The following ITGA8 variants were observed in gnomAD, a reference collection of about 807,000 sequenced individuals.
ITGA8 encodes integrin subunit alpha 8.
In ITGA8, 91 loss-of-function variants were observed where a neutral mutation model predicts 142.3. The ratio of observed to expected loss-of-function variants is 0.64; its 90% confidence interval spans 0.54 to 0.76. The LOEUF (loss-of-function observed/expected upper bound fraction) is 0.76, where lower values mean the gene tolerates loss of function less well. Ranked by LOEUF, ITGA8 falls within the 30% of genes least tolerant of loss-of-function variation. The probability of loss-of-function intolerance (pLI) is 0.00; values close to 1 mark genes in which losing one functional copy is unlikely to be tolerated. For synonymous variants in ITGA8, 505 were observed against 485.2 expected (o/e 1.04, Z -0.54); for missense variants, 1,406 against 1,327.7 (o/e 1.06, Z -0.92).
chr10:15,658,047 G>A (rs971954227), intron 10 of ITGA8, among the ~76,000 whole-genome samples: 1 of 152,200 alleles, frequency 6.6e-6, no homozygotes, highest in South Asian at 2.1e-4. Context: ...GACAGGAAAT[G>A]GGATGGAAAG....
chr10:15,705,916 A>G (rs1835249928), intron 2 of ITGA8, among the ~76,000 whole-genome samples: 1 of 152,086 alleles, frequency 6.6e-6, no homozygotes, highest in Non-Finnish European at 1.5e-5. Flanking sequence ...ATGGTGCCCC[A>G]GGAGTCAATC....
At chr10:15,524,731 C>T (rs1056875652) in intron 28 of ITGA8, among the ~76,000 whole-genome samples, 1 of 152,152 alleles carries the variant, frequency 6.6e-6, no homozygotes, top group Admixed American at 6.5e-5. Flanking sequence ...TTTTACAGGA[C>T]CAAAGTTTCT....
At chr10:15,648,807 T>C (rs4748193) in intron 11 of ITGA8, among the ~76,000 whole-genome samples, 142,078 of 152,276 alleles carry the variant, frequency 0.93, 66,928 homozygotes, top group Non-Finnish European at 1. Flanking sequence ...AAAGATATCC[T>C]GTGTACTTCC....
intron 2 of ITGA8, among the ~76,000 whole-genome samples, chr10:15,705,707 A>T (rs1835245307): frequency 6.6e-6 from 1 of 152,216 alleles, no homozygotes; most frequent in South Asian, 2.1e-4. Context: ...CTCTCTTGAC[A>T]CACTCCACTG....
chr10:15,695,210 A>G (rs1233395536), intron 2 of ITGA8, among the ~76,000 whole-genome samples: 1 of 152,160 alleles, frequency 6.6e-6, no homozygotes, highest in Admixed American at 6.6e-5. Flanking sequence ...GGGCTTCATT[A>G]ATTTCATATC....
chr10:15,711,614 C>T (rs539783263), intron 2 of ITGA8, among the ~76,000 whole-genome samples: 1 of 150,762 alleles, frequency 6.6e-6, no homozygotes, highest in South Asian at 2.1e-4. Context: ...GTCATGTATC[C>T]CCCACCACAA....
chr10:15,635,011 T>C (rs1588688747), intron 13 of ITGA8, among the ~76,000 whole-genome samples: 1 of 146,342 alleles, frequency 6.8e-6, no homozygotes, highest in South Asian at 2.2e-4. Flanking sequence ...TTCTTTTTTT[T>C]TTTTTTTTTT....
intron 6 of ITGA8, among the ~76,000 whole-genome samples, chr10:15,676,347 C>CCA (rs1188732843): frequency 6.6e-6 from 1 of 152,172 alleles, no homozygotes; most frequent in Admixed American, 6.5e-5. Flanking sequence ...CTGTCTGTAC[C>CCA]TGGGTTCATG....
intron 26 of ITGA8, 58 bp from the exon 27 acceptor site, chr10:15,548,626 T>G (rs1564346155): frequency 2.0e-6 from 2 of 1,016,376 alleles, no homozygotes; most frequent in East Asian, 2.6e-5. Flanking sequence ...GACTGAACAC[T>G]GAAGTTAGCT....
At chr10:15,585,205 A>AT (rs1832801779) in intron 23 of ITGA8, among the ~76,000 whole-genome samples, 1 of 152,246 alleles carries the variant, frequency 6.6e-6, no homozygotes, top group Non-Finnish European at 1.5e-5. Flanking sequence ...ATAAGTTTCA[A>AT]AAAACTATAT....
At chr10:15,541,684 C>T (rs1284887034) in intron 27 of ITGA8, among the ~76,000 whole-genome samples, 1 of 152,104 alleles carries the variant, frequency 6.6e-6, no homozygotes, top group African/African-American at 2.4e-5. Flanking sequence ...GATTCAAAGA[C>T]AAGAAAACAT....
At chr10:15,630,797 T>G (rs143827791) in intron 13 of ITGA8, among the ~76,000 whole-genome samples, 3 of 152,164 alleles carry the variant, frequency 2.0e-5, no homozygotes, top group East Asian at 3.9e-4. Context: ...TGACTCCAAC[T>G]AATTCATACT....
At chr10:15,700,200 C>T (rs1032525306) in intron 2 of ITGA8, among the ~76,000 whole-genome samples, 1 of 152,090 alleles carries the variant, frequency 6.6e-6, no homozygotes, top group Non-Finnish European at 1.5e-5. Flanking sequence ...AGCCACTTGC[C>T]CCCACAGCAC....
intron 2 of ITGA8, among the ~76,000 whole-genome samples, chr10:15,707,796 C>G (rs1214940327): frequency 2.7e-5 from 4 of 150,204 alleles, no homozygotes; most frequent in Middle Eastern, 3.4e-3. Flanking sequence ...ACACTCCGGC[C>G]TCGGTGACAG....
chr10:15,585,852 AC>A (rs1228453748), intron 23 of ITGA8, among the ~76,000 whole-genome samples: 1 of 151,998 alleles, frequency 6.6e-6, no homozygotes, highest in East Asian at 1.9e-4. Context: ...GATCCAATCG[AC>A]CCTTGCATCT....
chr10:15,709,156 A>G (rs1038275487), intron 2 of ITGA8, among the ~76,000 whole-genome samples: 22 of 152,250 alleles, frequency 1.4e-4, no homozygotes, highest in African/African-American at 5.3e-4. Context: ...AAGGGAGCAG[A>G]TGCAGCCATT....
intron 4 of ITGA8, among the ~76,000 whole-genome samples, chr10:15,683,259 A>G (rs1344172118): frequency 1.3e-5 from 2 of 150,752 alleles, no homozygotes; most frequent in Non-Finnish European, 1.5e-5. Context: ...CTCTGAGTAG[A>G]TGAATCCACC....
At chr10:15,626,289 A>G (rs897863996) in intron 13 of ITGA8, among the ~76,000 whole-genome samples, 5 of 151,832 alleles carry the variant, frequency 3.3e-5, no homozygotes, top group African/African-American at 7.3e-5. Flanking sequence ...CTGGAGTGCA[A>G]TGGCTCACTG....
rs4342920 is a variant in ITGA8, at chr10:15,616,776, C to G, written c.1400-217G>C. ...AAAACGTCCATCAGTGGATCTCAAA[C>G]CCTTCTGTGCTTAGGAAGGTCAATT... On this transcript the variant is annotated intron_variant, in intron 13 of 29. Transcript: ENST00000378076. Among the ~76,000 whole-genome samples, 103,402 of 152,058 alleles carry G rather than the reference C, an allele frequency of 0.68. 36,484 individuals carry two copies. Among genetic ancestry groups the G allele is most frequent in the South Asian group, 0.86 (4,161 of 4,820 alleles).
Sources: allele counts gnomAD v4.1 joint callset (sites outside exome capture counted in the v4.1 genomes callset), GRCh38; gene constraint gnomAD v4.1.1; transcripts MANE v1.5; gene names NCBI Gene and HGNC (gene_info 2026-07-23, HGNC 2026-07-21).